FSIP2: variants seen among roughly 807,000 people sequenced by gnomAD.
FSIP2 encodes the protein fibrous sheath interacting protein 2.
Under a neutral mutation model 510.5 loss-of-function variants are expected in FSIP2, and 367 were observed. That is an observed-to-expected ratio of 0.72 (90% CI 0.66 to 0.78). The LOEUF (loss-of-function observed/expected upper bound fraction) is 0.78. FSIP2 is among the 30% of genes least tolerant of loss of function. FSIP2 has a pLI of 0.00. For synonymous variants in FSIP2, 2,601 were observed against 2,732.2 expected (o/e 0.95, Z 1.50); for missense variants, 7,594 against 7,901.7 (o/e 0.96, Z 1.48).
Position 185,804,310 on chromosome 2 carries a change from T to G in FSIP2, c.15004T>G (p.Leu5002Val). The G allele has an allele frequency of 6.6e-7, 1 of 1,513,552 alleles. No individual in the cohort carries two copies. Among genetic ancestry groups the G allele is most frequent in the Non-Finnish European group, 8.8e-7 (1 of 1,138,618 alleles). 93.8% of individuals were successfully genotyped at this position (1,513,552 alleles called of 1,614,324 possible). A position where few individuals can be genotyped will look rare whatever the true frequency, so the allele number is the denominator to read the frequency against. The stretch of plus-strand genomic sequence containing the variant: ...TCTGGAGTTCACCACATCAGAGATT[T>G]TAGTTGCAGATAACTTTGATAAAAA... ...IVLEFTTSEI[L>V]VADNFDKNLC... Residue 5002 changes from leucine to valine, a missense_variant, in exon 17 of 23, where the codon TTA (leucine) becomes GTA (valine). Leu to Val is a conservative substitution (Grantham distance 32). Coordinates refer to ENST00000424728, the MANE Select transcript of FSIP2 (RefSeq NM_173651.4).
chr2:185,748,296 T>G (rs1309487906), intron 7 of FSIP2, among the ~76,000 whole-genome samples: 1 of 151,754 alleles, frequency 6.6e-6, no homozygotes, highest in African/African-American at 2.4e-5. Flanking sequence ...TCTTTCTTCT[T>G]TATTTTTATT....
At chr2:185,818,967 T>C (rs2105675214) in intron 19 of FSIP2, among the ~76,000 whole-genome samples, 1 of 152,070 alleles carries the variant, frequency 6.6e-6, no homozygotes, top group South Asian at 2.1e-4. Flanking sequence ...TATCCACTTT[T>C]TATTTTCTAA....
At chr2:185,749,160 C>T (rs1692094836) in intron 7 of FSIP2, among the ~76,000 whole-genome samples, 1 of 151,872 alleles carries the variant, frequency 6.6e-6, no homozygotes, top group Admixed American at 6.6e-5. Flanking sequence ...ATTATAGCAT[C>T]AGCTTATTAA....
chr2:185,788,929 C>T lies in FSIP2; in HGVS notation c.1793C>T (p.Pro598Leu). Residue 598 changes from proline (P) to leucine (L), a missense_variant, in exon 16 of 23, where the codon CCT (proline) becomes CTT (leucine). Physicochemically the swap from Pro to Leu is moderately conservative, Grantham distance 98. Transcript: ENST00000424728. Reference protein sequence around the residue: ...VDTSVRRPTTPIKPPPAHVEK... With the variant: ...VDTSVRRPTTLIKPPPAHVEK... ...ACGTCAGTAAGGAGACCAACCACAC[C>T]TATAAAACCTCCTCCTGCACATGTG... 6.5e-7 allele frequency: 1 copy of T among 1,535,032 alleles called. No homozygotes were observed.
Position 185,745,471 on chromosome 2 carries a change from C to A in FSIP2, c.520C>A (p.Gln174Lys), listed in dbSNP as rs1692009779. ...KQLHNIPENNQIPQHCDVAQV... is the reference protein window; with the variant it reads ...KQLHNIPENNKIPQHCDVAQV... ...ACTACATAACATACCGGAAAACAAT[C>A]AAATCCCTCAACATTGTGATGTTGC... Residue 174 changes from glutamine to lysine, a missense_variant, in exon 5 of 23, where the codon CAA (glutamine) becomes AAA (lysine). Coordinates refer to ENST00000424728, the MANE Select transcript of FSIP2 (RefSeq NM_173651.4). The A allele has an allele frequency of 6.5e-7, 1 of 1,534,670 alleles. No homozygotes were observed. The highest frequency in any genetic ancestry group is 8.7e-7 in the Non-Finnish European group (1 of 1,145,814).
chr2:185,803,881 G>T lies in FSIP2; in HGVS notation c.14575G>T (p.Asp4859Tyr), dbSNP rs1244349680. The change falls in exon 17 of 23, where the codon GAT (aspartate) becomes TAT (tyrosine). Residue 4859 changes from aspartate to tyrosine, a missense_variant. Transcript: ENST00000424728. ...AAAACAGAGTATGATTTCAGCAAAA[G>T]ATATCCAGTCTATGGTTGATTCCAT... is the stretch of plus-strand genomic sequence containing the variant. ...NKKQSMISAK[D>Y]IQSMVDSIYA... The T allele has an allele frequency of 6.6e-7, 1 of 1,524,842 alleles. No homozygotes were observed. Among genetic ancestry groups the T allele is most frequent in the Admixed American group, 2.0e-5 (1 of 50,120 alleles). The allele number at this position is 1,524,842 out of a possible 1,614,324, so 94.5% of individuals were successfully genotyped here.
Position 185,807,989 on chromosome 2 carries a change from A to T in FSIP2, c.18683A>T (p.Lys6228Met). Reference sequence around the variant, plus strand: ...GTCCAAGAATTTATCTCCAAAAGTAAGATTAAACTTGTACCACCCACCAAG... The same window carrying T: ...GTCCAAGAATTTATCTCCAAAAGTATGATTAAACTTGTACCACCCACCAAG... ...NSVQEFISKS[K>M]IKLVPPTKES... Residue 6228 changes from lysine (K) to methionine (M), a missense_variant, in exon 17 of 23, where the codon AAG becomes ATG. Lys to Met is a moderately conservative substitution (Grantham distance 95, BLOSUM62 -1). Transcript: ENST00000424728. 1 of 1,610,912 alleles carries T rather than the reference A, an allele frequency of 6.2e-7. No homozygotes were observed. The highest frequency in any genetic ancestry group is 1.1e-5 in the South Asian group (1 of 90,728).
intron 13 of FSIP2, among the ~76,000 whole-genome samples, chr2:185,781,362 A>G (rs1348402621): frequency 1.3e-5 from 2 of 152,218 alleles, no homozygotes; most frequent in African/African-American, 4.8e-5. Flanking sequence ...AATTTAAAGC[A>G]TGCTAAGCTA....
chr2:185,781,775 A>G (rs1014615900), intron 13 of FSIP2, among the ~76,000 whole-genome samples: 7 of 152,182 alleles, frequency 4.6e-5, no homozygotes, highest in Non-Finnish European at 1.0e-4. Context: ...ATTGCTGGAA[A>G]CCACAGAAGA....
At chr2:185,798,736 A>G (rs1265570653) in intron 16 of FSIP2, among the ~76,000 whole-genome samples, 1 of 151,878 alleles carries the variant, frequency 6.6e-6, no homozygotes, top group Non-Finnish European at 1.5e-5. Flanking sequence ...TTGATTTCAG[A>G]AAAATAAACA....
chr2:185,780,186 C>A (rs576676604), intron 13 of FSIP2, among the ~76,000 whole-genome samples: 17 of 151,756 alleles, frequency 1.1e-4, no homozygotes, highest in South Asian at 6.2e-4. Flanking sequence ...AAGATGTTTT[C>A]TTTATTTTTT....
At chr2:185,757,657 C>T (rs1380098735) in intron 9 of FSIP2, among the ~76,000 whole-genome samples, 1 of 133,052 alleles carries the variant, frequency 7.5e-6, no homozygotes, top group Non-Finnish European at 1.7e-5. Flanking sequence ...ATCCTCTATA[C>T]TCTTATGAGA....
chr2:185,808,856 C>A lies in FSIP2; in HGVS notation c.19550C>A (p.Ser6517Tyr). 6.2e-7 allele frequency: 1 copy of A among 1,611,702 alleles called. No homozygotes were observed. Among genetic ancestry groups the A allele is most frequent in the Non-Finnish European group, 8.5e-7 (1 of 1,179,102 alleles). The change falls in exon 17 of 23, where the codon TCT becomes TAT. Residue 6517 changes from serine to tyrosine, a missense_variant. Ser to Tyr is a moderately radical substitution (Grantham distance 144). Transcript: ENST00000424728. ...KLDQNLSEEESPIKIVPHVGK... is the reference protein window; with the variant it reads ...KLDQNLSEEEYPIKIVPHVGK... ...GATCAAAATTTATCTGAAGAGGAAT[C>A]TCCAATTAAAATAGTTCCACATGTT...
rs1363027356 is a variant in FSIP2 at position 185,805,550 on chromosome 2, T to C, written c.16244T>C (p.Ile5415Thr). 1 of 1,611,422 alleles carries C rather than the reference T, an allele frequency of 6.2e-7. No individual in the cohort carries two copies. The highest frequency in any genetic ancestry group is 2.2e-5 in the East Asian group (1 of 44,782). ...TFFSFLNPDN[I>T]TQRVQHLPQN... ...TTTTCATTTCTAAATCCAGATAATA[T>C]CACCCAAAGGGTTCAACACCTACCA... Residue 5415 changes from isoleucine (I) to threonine (T), a missense_variant, in exon 17 of 23, where the codon ATC becomes ACC. Ile to Thr is a moderately conservative substitution (Grantham distance 89). Coordinates refer to ENST00000424728, the MANE Select transcript of FSIP2 (RefSeq NM_173651.4).
In FSIP2 at chr2:185,808,224, A is replaced by G; in HGVS notation, c.18918A>G (p.Val6306=). The stretch of plus-strand genomic sequence containing the variant: ...TTCAACCTCAAGTAGAGGAAGAAGT[A>G]TCAAATTCAGAATTAGTTCTGGAAG... The part of the protein sequence containing the change: ...SEFQPQVEEE[V]SNSELVLEAV... Residue 6306 remains valine (V), a synonymous_variant, in exon 17 of 23, where the codon GTA becomes GTG. Coordinates refer to ENST00000424728, the MANE Select transcript of FSIP2 (RefSeq NM_173651.4). 6.2e-7 allele frequency: 1 copy of G among 1,608,614 alleles called. No individual in the cohort carries two copies. The highest frequency in any genetic ancestry group is 8.5e-7 in the Non-Finnish European group (1 of 1,178,122).
chr2:185,822,296 T>C (rs779633077), intron 19 of FSIP2, among the ~76,000 whole-genome samples: 1 of 151,924 alleles, frequency 6.6e-6, no homozygotes, highest in Non-Finnish European at 1.5e-5. Context: ...ATAGATGACA[T>C]GGTCATAATG....
upstream of FSIP2, chr2:185,738,430 GGAA>G (rs533739735): frequency 1.9e-4 from 117 of 619,156 alleles, no homozygotes; most frequent in East Asian, 3.2e-3. Context: ...ACCTGGTGTG[GGAA>G]GAAGCTGTGG....
In FSIP2 at chr2:185,802,367, T is replaced by A; in HGVS notation, c.13061T>A (p.Leu4354His). Residue 4354 changes from leucine (L) to histidine (H), a missense_variant, in exon 17 of 23, where the codon CTC becomes CAC. By Grantham distance (99) the Leu-to-His change is moderately conservative (BLOSUM62 -3). Coordinates refer to ENST00000424728, the MANE Select transcript of FSIP2 (RefSeq NM_173651.4). ...RHFNKAKIHI[L>H]YDDKEQAFFS... ...TTCAATAAAGCTAAAATTCACATTCTCTATGATGACAAAGAACAGGCTTTC... is the reference window on the plus strand; with the variant it reads ...TTCAATAAAGCTAAAATTCACATTCACTATGATGACAAAGAACAGGCTTTC... The A allele has an allele frequency of 6.5e-7, 1 of 1,532,850 alleles. No homozygotes were observed. Among genetic ancestry groups the A allele is most frequent in the Non-Finnish European group, 8.7e-7 (1 of 1,145,070 alleles). 95.0% of individuals were successfully genotyped at this position (1,532,850 alleles called of 1,614,324 possible).
In FSIP2 at chr2:185,753,360, G is replaced by C. The variant is rs543846891; in HGVS notation, c.871-362G>C. On this transcript the variant is annotated intron_variant, in intron 7 of 22. Transcript: ENST00000424728. ...AGTCACATTTTATGTACTATATTATGTTTACCTCTGGTAGACCTGAGTGAT... is the reference window on the plus strand; with the variant it reads ...AGTCACATTTTATGTACTATATTATCTTTACCTCTGGTAGACCTGAGTGAT... 2.0e-5 allele frequency among the ~76,000 whole-genome samples: 3 copies of C among 151,398 alleles called. No homozygotes were observed. In the East Asian group the frequency reaches 5.8e-4, roughly 29 times the overall value.
Sources: gnomAD v4.1 joint callset for allele counts (sites outside exome capture counted in the v4.1 genomes callset) on GRCh38, gnomAD v4.1.1 for gene constraint, MANE v1.5 for transcripts, NCBI Gene and HGNC (gene_info 2026-07-23, HGNC 2026-07-21) for gene names.